MTG1: variants seen among roughly 807,000 people sequenced by gnomAD.
MTG1 encodes mitochondrial ribosome associated GTPase 1, also known as mitochondrial ribosome-associated GTPase 1.
Under a neutral mutation model 39.5 loss-of-function variants are expected in MTG1, and 30 were observed. The observed-to-expected ratio is 0.76, with a 90% CI of 0.57 to 1.03. The LOEUF (loss-of-function observed/expected upper bound fraction) is 1.03. Among genes scored for constraint, MTG1 ranks in the 50% least tolerant of loss-of-function variants. The pLI is 0.00. For missense variants in MTG1, 513 were observed against 447.4 expected, an observed-to-expected ratio of 1.15 and a Z score of -1.32; for synonymous variants, 217 against 179.0, an observed-to-expected ratio of 1.21 and a Z score of -1.69.
In MTG1 at chr10:133,420,185, G is replaced by GC. The variant is rs745857747; in HGVS notation, c.*22dup. On this transcript the variant is annotated 3_prime_UTR_variant, in exon 11 of 11. Coordinates refer to ENST00000317502, the MANE Select transcript of MTG1 (RefSeq NM_138384.4). ...CCCTGAACTTGTCCGGGTAGGGAGG[G>GC]CCGGAGGCATGTGGCCTCCCAGACC... 1 of 1,592,474 alleles carries GC rather than the reference G, an allele frequency of 6.3e-7. No homozygotes were observed. The highest frequency in any genetic ancestry group is 1.1e-5 in the South Asian group (1 of 88,670).
chr10:133,405,042 T>A (rs1341446170), intron 9 of MTG1, among the ~76,000 whole-genome samples: 1 of 152,220 alleles, frequency 6.6e-6, no homozygotes, highest in Non-Finnish European at 1.5e-5. Flanking sequence ...CTTTGTCAGT[T>A]TCTACAAAAA....
intron 9 of MTG1, among the ~76,000 whole-genome samples, chr10:133,403,772 G>A (rs971090405): frequency 3.0e-4 from 45 of 150,124 alleles, no homozygotes; most frequent in African/African-American, 1.0e-3. Context: ...CCGGGCTTTC[G>A]TTTCCCTTGG....
Position 133,401,969 on chromosome 10 carries a change from A to G in MTG1, c.574-180A>G, listed in dbSNP as rs1849884699. On this transcript the variant is annotated intron_variant, in intron 7 of 10. Transcript: ENST00000317502. ...ACGCTTTTATTTATTCTCCAAATTA[A>G]GTGGGAATTAGATCCTCTGGGGAAC... is the stretch of plus-strand genomic sequence containing the variant. 3 of 644,908 alleles carry G rather than the reference A, an allele frequency of 4.7e-6. No homozygotes were observed. The South Asian group carries it at 5.6e-5, about 12-fold the overall frequency. 39.9% of individuals were successfully genotyped at this position (644,908 alleles called of 1,614,324 possible).
rs1314223513 is a variant in MTG1 at position 133,402,638 on chromosome 10, C to T, written c.671-54C>T. The T allele has an allele frequency of 1.3e-6, 2 of 1,490,358 alleles. No individual in the cohort carries two copies. Among genetic ancestry groups the T allele is most frequent in the South Asian group, 1.2e-5 (1 of 82,752 alleles). The allele number at this position is 1,490,358 out of a possible 1,614,324, so 92.3% of individuals were successfully genotyped here. A position where few individuals can be genotyped will look rare whatever the true frequency, so the allele number is the denominator to read the frequency against. Reference sequence around the variant, plus strand: ...CTGGAAGGGATGTGTTTGAACTTGGCAGGAACATAGATGTGGCTGTTTCCA... The same window carrying T: ...CTGGAAGGGATGTGTTTGAACTTGGTAGGAACATAGATGTGGCTGTTTCCA... On this transcript the variant is annotated intron_variant, in intron 8 of 10. Transcript: ENST00000317502. This position sits in a 1 kb window ranked among gnomAD's most constrained non-coding sequence, Gnocchi z 4.7.
intron 1 of MTG1, among the ~76,000 whole-genome samples, chr10:133,395,477 T>G (rs1190658125): frequency 6.6e-6 from 1 of 152,224 alleles, no homozygotes; most frequent in Non-Finnish European, 1.5e-5. Flanking sequence ...CGCATCTGGC[T>G]TTTGACACAT....
At chr10:133,394,449 C>T (rs1488629233) in intron 1 of MTG1, 117 bp downstream of exon 1, 4 of 1,324,542 alleles carry the variant, frequency 3.0e-6, no homozygotes, top group Non-Finnish European at 1.9e-6. Context: ...TGGCCCCGCC[C>T]CTCCTCCCTT....
In MTG1 at chr10:133,395,712, G is replaced by C; in HGVS notation, c.113-1G>C. ...CGCTGAGGCGTCCTTCTGTTTTCCA[G>C]GGCTGAAGAAGATGCAGAGCAGCCT... On this transcript the variant is annotated splice_acceptor_variant, in intron 1 of 10. Transcript: ENST00000317502. LOFTEE classifies it high-confidence loss of function. 1.2e-6 allele frequency: 2 copies of C among 1,613,964 alleles called. No individual in the cohort carries two copies. Among genetic ancestry groups the C allele is most frequent in the Non-Finnish European group, 1.7e-6 (2 of 1,179,952 alleles).
chr10:133,394,601 GC>G, intron 1 of MTG1: 1 of 1,299,552 alleles, frequency 7.7e-7, no homozygotes, highest in Non-Finnish European at 9.8e-7. Context: ...CCTACCTCTG[GC>G]CCGCCGCCCC....
At chr10:133,399,054 G>T in intron 4 of MTG1, 116 bp from the exon 5 acceptor site, 1 of 1,143,150 alleles carries the variant, frequency 8.7e-7, no homozygotes, top group South Asian at 1.3e-5. Flanking sequence ...TTTCCTAACG[G>T]ATATGTGAAA....
intron 9 of MTG1, among the ~76,000 whole-genome samples, chr10:133,408,745 G>A (rs1251308096): frequency 1.3e-5 from 2 of 152,156 alleles, no homozygotes; most frequent in African/African-American, 4.8e-5. Flanking sequence ...ATCTGTTCAA[G>A]TTTTTCCATT....
At chr10:133,395,810 G>C in intron 2 of MTG1, 33 bp downstream of exon 2, 1 of 1,607,568 alleles carries the variant, frequency 6.2e-7, no homozygotes, top group Non-Finnish European at 8.5e-7. Flanking sequence ...AGGCCCCTCT[G>C]CCTGAAGTCA....
intron 9 of MTG1, among the ~76,000 whole-genome samples, chr10:133,403,731 C>T (rs1470896165): frequency 1.3e-5 from 2 of 152,168 alleles, no homozygotes; most frequent in Non-Finnish European, 2.9e-5. Flanking sequence ...CTGCTGTGAA[C>T]ATTCATGTAC....
At chr10:133,404,076 C>T (rs1264336467) in intron 9 of MTG1, among the ~76,000 whole-genome samples, 2 of 43,100 alleles carry the variant, frequency 4.6e-5, no homozygotes, top group South Asian at 8.3e-4. Flanking sequence ...AAATCCTTTT[C>T]CCTTTTTTTT....
chr10:133,394,352 G>A lies in MTG1; in HGVS notation c.112+20G>A. On this transcript the variant is annotated intron_variant, in intron 1 of 10. Transcript: ENST00000317502. ...CCAAGGGTGAGGCACGGCGGGGAGG[G>A]GCAAGGTCATGCCTACGGCCGCGGC... 1 of 1,477,652 alleles carries A rather than the reference G, an allele frequency of 6.8e-7. No individual in the cohort carries two copies. The highest frequency in any genetic ancestry group is 8.9e-7 in the Non-Finnish European group (1 of 1,117,886). 91.5% of individuals were successfully genotyped at this position (1,477,652 alleles called of 1,614,324 possible). A position where few individuals can be genotyped will look rare whatever the true frequency, so the allele number is the denominator to read the frequency against.
intron 9 of MTG1, among the ~76,000 whole-genome samples, chr10:133,408,052 CTG>C (rs1156719660): frequency 6.6e-6 from 1 of 152,172 alleles, no homozygotes; most frequent in Admixed American, 6.5e-5. Context: ...ATTTGGGTGA[CTG>C]TTATTTCTTT....
intron 3 of MTG1, among the ~76,000 whole-genome samples, chr10:133,397,634 A>G (rs961252471): frequency 3.3e-5 from 5 of 151,806 alleles, no homozygotes; most frequent in Non-Finnish European, 7.4e-5. Context: ...GCCCGCCACC[A>G]TGCCCGGCTA....
intron 1 of MTG1, 62 bp downstream of exon 1, chr10:133,394,394 C>T: frequency 7.3e-7 from 1 of 1,379,186 alleles, no homozygotes; most frequent in East Asian, 3.1e-5. Flanking sequence ...GCTTCCCTCC[C>T]ACCCCGGTTT....
intron 9 of MTG1, 92 bp from the exon 10 acceptor site, chr10:133,419,388 C>A: frequency 9.4e-7 from 1 of 1,060,186 alleles, no homozygotes. Context: ...CTGGCCGTGG[C>A]CTTTGTGGCA....
intron 5 of MTG1, 46 bp from the exon 6 acceptor site, chr10:133,399,483 C>T (rs754269703): frequency 1.9e-6 from 3 of 1,584,876 alleles, no homozygotes; most frequent in South Asian, 2.2e-5. Context: ...GTCTCAGGCT[C>T]TAGCGGCCAC....
Sources: gnomAD v4.1 joint callset for allele counts (sites outside exome capture counted in the v4.1 genomes callset) on GRCh38, gnomAD v4.1.1 for gene constraint, Gnocchi (gnomAD v3.1) non-coding constraint, MANE v1.5 for transcripts, NCBI Gene and HGNC (gene_info 2026-07-23, HGNC 2026-07-21) for gene names.